ACSS3: variants seen among roughly 807,000 people sequenced by gnomAD.
The protein encoded by ACSS3 is acyl-CoA synthetase short-chain family member 3, mitochondrial.
Under a neutral mutation model 84.2 loss-of-function variants are expected in ACSS3, and 64 were observed. The observed-to-expected ratio is 0.76, with a 90% CI of 0.62 to 0.94. The LOEUF (loss-of-function observed/expected upper bound fraction) is 0.94. Ranked by LOEUF, ACSS3 falls within the 40% of genes least tolerant of loss-of-function variation. ACSS3 has a pLI of 0.00. For missense variants in ACSS3, 815 were observed against 867.6 expected, an observed-to-expected ratio of 0.94 and a Z score of 0.76; for synonymous variants, 317 against 310.1, an observed-to-expected ratio of 1.02 and a Z score of -0.23.
chr12:81,088,778 T>A (rs947910422), intron 1 of ACSS3, among the ~76,000 whole-genome samples: 7 of 152,034 alleles, frequency 4.6e-5, no homozygotes, highest in African/African-American at 1.7e-4. Flanking sequence ...TTTTTAAAAA[T>A]TTTTTAACTC....
At chr12:81,221,247 A>T (rs1049377476) in intron 11 of ACSS3, among the ~76,000 whole-genome samples, 5 of 152,066 alleles carry the variant, frequency 3.3e-5, no homozygotes, top group Admixed American at 6.6e-5. Flanking sequence ...GATTAACATG[A>T]TATTGACATC....
intron 7 of ACSS3, among the ~76,000 whole-genome samples, chr12:81,164,994 C>T (rs905554848): frequency 7.9e-5 from 12 of 151,924 alleles, no homozygotes; most frequent in Non-Finnish European, 5.9e-5. Context: ...AGCAATCTGC[C>T]TTCTGTGTAT....
intron 1 of ACSS3, among the ~76,000 whole-genome samples, chr12:81,105,583 G>A (rs1882917645): frequency 6.6e-6 from 1 of 152,092 alleles, no homozygotes; most frequent in African/African-American, 2.4e-5. Context: ...ACTTTAAAAT[G>A]GAGAGTAAAA....
intron 8 of ACSS3, among the ~76,000 whole-genome samples, chr12:81,193,497 C>G (rs2031681136): frequency 6.6e-6 from 1 of 151,822 alleles, no homozygotes; most frequent in Admixed American, 6.6e-5. Context: ...GTCTTGTGTT[C>G]AATTTTATAT....
chr12:81,140,827 A>G (rs1369026668), intron 4 of ACSS3, among the ~76,000 whole-genome samples: 1 of 152,214 alleles, frequency 6.6e-6, no homozygotes, highest in African/African-American at 2.4e-5. Context: ...TTTACATTAC[A>G]TATACTTACA....
At chr12:81,222,905 A>C (rs543807293) in intron 11 of ACSS3, among the ~76,000 whole-genome samples, 6 of 152,178 alleles carry the variant, frequency 3.9e-5, no homozygotes, top group East Asian at 1.9e-4. Context: ...GAATGTTAGA[A>C]AATTCTTTTG....
chr12:81,150,783 C>T (rs1886572529), intron 5 of ACSS3, among the ~76,000 whole-genome samples: 1 of 152,280 alleles, frequency 6.6e-6, no homozygotes, highest in East Asian at 1.9e-4. Flanking sequence ...GTTTCATTTT[C>T]CTGATTTGTG....
At chr12:81,206,470 G>T (rs1024973671) in intron 9 of ACSS3, among the ~76,000 whole-genome samples, 1 of 152,072 alleles carries the variant, frequency 6.6e-6, no homozygotes, top group African/African-American at 2.4e-5. Flanking sequence ...TTAATGGTCA[G>T]AAATACATTT....
chr12:81,083,326 C>T (rs558774522), intron 1 of ACSS3, among the ~76,000 whole-genome samples: 1 of 149,608 alleles, frequency 6.7e-6, no homozygotes, highest in African/African-American at 2.4e-5. Flanking sequence ...ATATAAAAAT[C>T]TAAATTTCCT....
chr12:81,130,265 C>T (rs919841369), intron 2 of ACSS3, among the ~76,000 whole-genome samples: 9 of 152,186 alleles, frequency 5.9e-5, no homozygotes, highest in Non-Finnish European at 8.8e-5. Flanking sequence ...GTTCCTATTT[C>T]TCCACATCCT....
At chr12:81,170,973 C>T (rs1217148596) in intron 7 of ACSS3, among the ~76,000 whole-genome samples, 1 of 152,086 alleles carries the variant, frequency 6.6e-6, no homozygotes, top group East Asian at 1.9e-4. Context: ...ACAGGCTTTG[C>T]TTCAGCTTTC....
chr12:81,134,984 A>G lies in ACSS3; in HGVS notation c.625A>G (p.Ser209Gly). ...AGGATTTGCTTCCAAAGAACTAAGT[A>G]GTCGCATTGATCATGTAAAGGTAAG... ...FGGFASKELS[S>G]RIDHVKPKVV... Residue 209 changes from serine to glycine, a missense_variant, in exon 3 of 16, where the codon AGT (serine) becomes GGT (glycine). Ser to Gly is a moderately conservative substitution (Grantham distance 56, BLOSUM62 0). Coordinates refer to ENST00000548058, the MANE Select transcript of ACSS3 (RefSeq NM_024560.4). 1 of 1,600,870 alleles carries G rather than the reference A, an allele frequency of 6.2e-7. No individual in the cohort carries two copies. The highest frequency in any genetic ancestry group is 8.5e-7 in the Non-Finnish European group (1 of 1,172,728).
chr12:81,082,146 GGC>G (rs1881021159), intron 1 of ACSS3, among the ~76,000 whole-genome samples: 1 of 152,098 alleles, frequency 6.6e-6, no homozygotes, highest in Non-Finnish European at 1.5e-5. Flanking sequence ...TTAAGATTTG[GGC>G]TTCCATTGAA....
chr12:81,218,579 G>A (rs1254121021), intron 10 of ACSS3, among the ~76,000 whole-genome samples: 1 of 151,984 alleles, frequency 6.6e-6, no homozygotes, highest in Non-Finnish European at 1.5e-5. Context: ...GACTTCTCCA[G>A]CCCTGGAAAG....
intron 7 of ACSS3, among the ~76,000 whole-genome samples, chr12:81,166,071 A>T (rs1159420437): frequency 6.6e-6 from 1 of 152,216 alleles, no homozygotes; most frequent in East Asian, 1.9e-4. Context: ...TGGAGCTGGG[A>T]TTTGAAACAA....
chr12:81,248,147 G>T (rs984880816), intron 13 of ACSS3, among the ~76,000 whole-genome samples: 16 of 152,066 alleles, frequency 1.1e-4, no homozygotes, highest in Middle Eastern at 6.8e-3. Flanking sequence ...ATAGCATGGA[G>T]ATTTTTCGAA....
rs2034304429 is a variant in ACSS3 at position 81,256,516 on chromosome 12, ATGCTC to A, written c.*1595_*1599del. 6.6e-6 allele frequency: 1 copy of A among 152,190 alleles called. No individual in the cohort carries two copies. The highest frequency in any genetic ancestry group is 2.4e-5 in the African/African-American group (1 of 41,466). 9.4% of individuals were successfully genotyped at this position (152,190 alleles called of 1,614,324 possible). On this transcript the variant is annotated 3_prime_UTR_variant, in exon 16 of 16. Transcript: ENST00000548058. The stretch of plus-strand genomic sequence containing the variant: ...ATACATTTTAACCCAAAAGTATACC[ATGCTC>A]ATTGTATCTTTGATCGTTCTTCAAG...
chr12:81,104,112 C>T (rs1324759219), intron 1 of ACSS3, among the ~76,000 whole-genome samples: 1 of 152,100 alleles, frequency 6.6e-6, no homozygotes, highest in South Asian at 2.1e-4. Context: ...ATCAAACACA[C>T]ATAAGAAGAC....
At position 81,253,617 on chromosome 12, in the gene ACSS3, G is replaced by C; in HGVS notation, c.1942G>C (p.Gly648Arg). 6.2e-7 allele frequency: 1 copy of C among 1,613,856 alleles called. No individual in the cohort carries two copies. The highest frequency in any genetic ancestry group is 1.1e-5 in the South Asian group (1 of 91,068). The change falls in exon 15 of 16, where the codon GGC becomes CGC. Residue 648 changes from glycine to arginine, a missense_variant. Transcript: ENST00000548058. ...CAAACAGCTACCCAAAACCAGATCT[G>C]GCAAGATCCCCCGATCAGCTTTATC... is the stretch of plus-strand genomic sequence containing the variant. Reference protein sequence around the residue: ...FVKQLPKTRSGKIPRSALSAI... With the variant: ...FVKQLPKTRSRKIPRSALSAI...
Sources: gnomAD v4.1 joint callset for allele counts (sites outside exome capture counted in the v4.1 genomes callset) on GRCh38, gnomAD v4.1.1 for gene constraint, MANE v1.5 for transcripts, NCBI Gene and HGNC (gene_info 2026-07-23, HGNC 2026-07-21) for gene names.